Variants in ENTREP1 observed in about 807,000 individuals in gnomAD.
The protein encoded by ENTREP1 is endosomal transmembrane epsin interactor 1, also known as Friedreich ataxia region gene X123.
At chr9:69,326,836 T>G in the ENTREP1 span, among the ~76,000 whole-genome samples, 1 of 151,182 alleles carries the variant, frequency 6.6e-6, no homozygotes, top group Non-Finnish European at 1.5e-5. Context: ...AGTGTGGGGA[T>G]TAGAGGCATG....
At chr9:69,334,761 T>A in the ENTREP1 span, among the ~76,000 whole-genome samples, 21 of 149,630 alleles carry the variant, frequency 1.4e-4, no homozygotes, top group East Asian at 2.9e-3. Context: ...ATAGTGGCCC[T>A]TTCCTTTCCT....
chr9:69,324,992 G>T, the ENTREP1 span: 10 of 985,258 alleles, frequency 1.0e-5, no homozygotes, highest in South Asian at 1.4e-4. Flanking sequence ...GCCGGCGCAG[G>T]TTCGGCGGGG....
At chr9:69,355,229 A>G in the ENTREP1 span, among the ~76,000 whole-genome samples, 1 of 152,226 alleles carries the variant, frequency 6.6e-6, no homozygotes, top group Non-Finnish European at 1.5e-5. Context: ...CCCTCCCAGA[A>G]AAGTAATCAA....
the ENTREP1 span, chr9:69,392,092 G>A: frequency 2.2e-6 from 1 of 455,244 alleles, no homozygotes; most frequent in Non-Finnish European, 4.0e-6. Flanking sequence ...GCCCTGGCAT[G>A]GGCAGAAACT....
chr9:69,374,026 C>A, the ENTREP1 span, among the ~76,000 whole-genome samples: 2 of 152,174 alleles, frequency 1.3e-5, no homozygotes, highest in Admixed American at 1.3e-4. Context: ...AGTCTCTACT[C>A]TCTCATAGGC....
chr9:69,388,512 G>T, the ENTREP1 span: 1 of 1,285,360 alleles, frequency 7.8e-7, no homozygotes, highest in Non-Finnish European at 1.1e-6. Flanking sequence ...AGCTAAAGTG[G>T]CTTCTCCGCT....
chr9:69,350,024 T>A, the ENTREP1 span, among the ~76,000 whole-genome samples: 1 of 152,334 alleles, frequency 6.6e-6, no homozygotes, highest in Middle Eastern at 3.4e-3. Flanking sequence ...TTTCTTTGAT[T>A]CTCTGTGTTG....
At chr9:69,366,700 G>T in the ENTREP1 span, among the ~76,000 whole-genome samples, 2 of 151,900 alleles carry the variant, frequency 1.3e-5, no homozygotes, top group South Asian at 4.2e-4. Flanking sequence ...AATCCATTTT[G>T]AGTTGATTTT....
chr9:69,386,075 G>A, the ENTREP1 span: 3 of 775,474 alleles, frequency 3.9e-6, no homozygotes, highest in African/African-American at 1.8e-5. Flanking sequence ...GAGCTTATGA[G>A]GTCTTGGGAA....
the ENTREP1 span, among the ~76,000 whole-genome samples, chr9:69,385,332 G>T: frequency 1.3e-5 from 2 of 152,140 alleles, no homozygotes; most frequent in African/African-American, 4.8e-5. Context: ...TTGTTTAGTG[G>T]CCACTTGACT....
chr9:69,377,304 T>G, the ENTREP1 span: 1 of 960,180 alleles, frequency 1.0e-6, no homozygotes, highest in East Asian at 2.4e-5. Flanking sequence ...TTTTAAAGAT[T>G]TTCTACATTG....
At chr9:69,329,318 C>G in the ENTREP1 span, 2 of 953,736 alleles carry the variant, frequency 2.1e-6, no homozygotes, top group Non-Finnish European at 2.5e-6. Flanking sequence ...GTTCAAGAGA[C>G]AAATATATTT....
the ENTREP1 span, among the ~76,000 whole-genome samples, chr9:69,388,669 C>T: frequency 0.022 from 3,306 of 152,162 alleles, 80 homozygotes; most frequent in African/African-American, 0.067. Flanking sequence ...GGGAAGAGAA[C>T]CCAGTTTTTC....
At chr9:69,362,094 C>T in the ENTREP1 span, among the ~76,000 whole-genome samples, 8 of 152,078 alleles carry the variant, frequency 5.3e-5, no homozygotes, top group Non-Finnish European at 8.8e-5. Flanking sequence ...TGCCTTCCCA[C>T]GGTTACTGGA....
At chr9:69,351,581 T>C in the ENTREP1 span, among the ~76,000 whole-genome samples, 3 of 152,196 alleles carry the variant, frequency 2.0e-5, no homozygotes, top group Non-Finnish European at 4.4e-5. Flanking sequence ...CACACTCAGC[T>C]AATTTTTGTA....
the ENTREP1 span, chr9:69,325,589 G>T: frequency 8.2e-7 from 1 of 1,226,174 alleles, no homozygotes; most frequent in East Asian, 3.2e-5. Flanking sequence ...GCTGCTGCCC[G>T]CCCGCCCGCT....
At chr9:69,367,670 C>CAT in the ENTREP1 span, among the ~76,000 whole-genome samples, 11 of 44,084 alleles carry the variant, frequency 2.5e-4, no homozygotes, top group African/African-American at 8.0e-4. Context: ...TATATATACA[C>CAT]ACATATATAA....
At chr9:69,326,702 C>T in the ENTREP1 span, among the ~76,000 whole-genome samples, 17 of 151,886 alleles carry the variant, frequency 1.1e-4, no homozygotes, top group African/African-American at 4.1e-4. Flanking sequence ...CAGTAAATAA[C>T]CTCTCTTTAT....
At chr9:69,392,074 G>T in the ENTREP1 span, 3 of 503,738 alleles carry the variant, frequency 6.0e-6, no homozygotes, top group African/African-American at 5.7e-5. Context: ...CATTCCCAAG[G>T]GTCACATGCC....
Sources: gnomAD v4.1 joint callset for allele counts (sites outside exome capture counted in the v4.1 genomes callset) on GRCh38, gnomAD v4.1.1 for gene constraint, MANE v1.5 for transcripts, NCBI Gene and HGNC (gene_info 2026-07-23, HGNC 2026-07-21) for gene names.